The following PPP6R3 variants were observed in gnomAD, a reference collection of about 807,000 sequenced individuals.
The protein encoded by PPP6R3 is serine/threonine-protein phosphatase 6 regulatory subunit 3.
Under a neutral mutation model 110.7 loss-of-function variants are expected in PPP6R3, and 38 were observed. The ratio of observed to expected loss-of-function variants is 0.34; its 90% CI spans 0.26 to 0.45. The LOEUF is 0.45. Ranked by LOEUF, PPP6R3 falls within the 20% of genes least tolerant of loss-of-function variation. PPP6R3 has a pLI of 1.00. For missense variants in PPP6R3, 870 were observed against 1,062.4 expected (o/e 0.82, Z 2.52); for synonymous variants, 369 against 373.5 (o/e 0.99, Z 0.14).
chr11:68,582,965 A>AT, intron 14 of PPP6R3, 78 bp from the exon 15 acceptor site: 2 of 1,077,742 alleles, frequency 1.9e-6, no homozygotes, highest in South Asian at 1.5e-5. Flanking sequence ...ACTAAATGTG[A>AT]TTTTTCCATA....
chr11:68,484,618 G>A (rs1000833972), intron 1 of PPP6R3, among the ~76,000 whole-genome samples: 21 of 151,256 alleles, frequency 1.4e-4, no homozygotes, highest in Non-Finnish European at 2.5e-4. Flanking sequence ...ACGGAGTTTC[G>A]CTCTTGTTGC....
chr11:68,493,633 ATAT>A lies in PPP6R3; in HGVS notation c.-157-25867_-157-25865del, dbSNP rs1439367955. 2.6e-3 allele frequency among the ~76,000 whole-genome samples: 386 copies of A among 146,712 alleles called. 4 individuals carry two copies. The highest frequency in any genetic ancestry group is 8.3e-3 in the African/African-American group (334 of 40,218). ...AACAAAACCATATATATATATATAT[ATAT>A]AAAATATATATACAAAAAAATACAC... On this transcript the variant is annotated intron_variant, in intron 1 of 23. Transcript: ENST00000393800.
At chr11:68,464,446 A>G (rs1428923858) in intron 1 of PPP6R3, among the ~76,000 whole-genome samples, 1 of 152,144 alleles carries the variant, frequency 6.6e-6, no homozygotes, top group African/African-American at 2.4e-5. Context: ...TCTATTTTTT[A>G]GAAGCTTCTC....
chr11:68,476,329 G>A (rs563378208), intron 1 of PPP6R3, among the ~76,000 whole-genome samples: 3 of 152,228 alleles, frequency 2.0e-5, no homozygotes, highest in East Asian at 1.9e-4. Context: ...CAGGCGTGGC[G>A]GCGCACGCCT....
At chr11:68,506,937 G>C (rs1468248850) in intron 1 of PPP6R3, among the ~76,000 whole-genome samples, 3 of 152,184 alleles carry the variant, frequency 2.0e-5, no homozygotes, top group Non-Finnish European at 4.4e-5. Context: ...GTAGTCATTT[G>C]TACCTTTGCT....
intron 2 of PPP6R3, among the ~76,000 whole-genome samples, chr11:68,519,961 G>A (rs532924321): frequency 1.4e-4 from 22 of 152,292 alleles, no homozygotes; most frequent in Non-Finnish European, 1.6e-4. Context: ...AAGACTCGCC[G>A]CCCAGGCCAC....
At chr11:68,477,845 A>G (rs752794568) in intron 1 of PPP6R3, among the ~76,000 whole-genome samples, 13 of 148,342 alleles carry the variant, frequency 8.8e-5, no homozygotes, top group South Asian at 6.4e-4. Flanking sequence ...TGTACCTTCT[A>G]TGATGGGATT....
chr11:68,532,651 A>G (rs746574583), intron 2 of PPP6R3, among the ~76,000 whole-genome samples: 2 of 152,198 alleles, frequency 1.3e-5, no homozygotes, highest in Non-Finnish European at 2.9e-5. Context: ...ACGAATGAAA[A>G]TTCCTGTTAC....
chr11:68,596,907 G>T (rs1225327472), intron 19 of PPP6R3, among the ~76,000 whole-genome samples: 1 of 152,158 alleles, frequency 6.6e-6, no homozygotes, highest in African/African-American at 2.4e-5. Context: ...AGCTAGGGTG[G>T]ACCTTGTGGT....
intron 18 of PPP6R3, among the ~76,000 whole-genome samples, chr11:68,594,398 T>C (rs1294977709): frequency 6.6e-6 from 1 of 151,714 alleles, no homozygotes; most frequent in East Asian, 1.9e-4. Context: ...GGCTCATGCC[T>C]ACAATCCCAG....
intron 1 of PPP6R3, among the ~76,000 whole-genome samples, chr11:68,465,084 G>A (rs1160914045): frequency 3.3e-5 from 5 of 152,190 alleles, no homozygotes; most frequent in African/African-American, 1.2e-4. Flanking sequence ...GTTTCACCAT[G>A]TGGGCCAGGC....
chr11:68,542,122 G>A (rs769358846), intron 3 of PPP6R3, among the ~76,000 whole-genome samples: 9 of 150,164 alleles, frequency 6.0e-5, no homozygotes, highest in African/African-American at 2.0e-4. Context: ...GGAGCAGGCC[G>A]CCGAGTGATG....
intron 10 of PPP6R3, among the ~76,000 whole-genome samples, chr11:68,568,388 G>C (rs2099487811): frequency 6.6e-6 from 1 of 152,142 alleles, no homozygotes; most frequent in African/African-American, 2.4e-5. Context: ...TAAATTTGAT[G>C]AGACTACTGG....
At chr11:68,513,411 G>A (rs1415224687) in intron 1 of PPP6R3, among the ~76,000 whole-genome samples, 2 of 152,098 alleles carry the variant, frequency 1.3e-5, no homozygotes, top group Non-Finnish European at 1.5e-5. Flanking sequence ...AGTGTATGAG[G>A]CTACGTAATG....
In PPP6R3 at chr11:68,565,347, G is replaced by A. The variant is rs568767188; in HGVS notation, c.975+915G>A. Reference sequence around the variant, plus strand: ...TTCCATCACTGTGCTCACAGTTTGCGTTACTCTGCTGGTTCCATTCCAGCC... The same window carrying A: ...TTCCATCACTGTGCTCACAGTTTGCATTACTCTGCTGGTTCCATTCCAGCC... On this transcript the variant is annotated intron_variant, in intron 9 of 23. Transcript: ENST00000393800. Among the ~76,000 whole-genome samples the A allele has an allele frequency of 9.2e-5, 14 of 151,826 alleles. No homozygotes were observed. The South Asian group carries it at 1.0e-3, about 11-fold the overall frequency.
intron 2 of PPP6R3, among the ~76,000 whole-genome samples, chr11:68,535,009 CTTTG>C (rs1408439792): frequency 6.6e-6 from 1 of 152,136 alleles, no homozygotes; most frequent in African/African-American, 2.4e-5. Context: ...AATAAAGTTA[CTTTG>C]TTTGCCATTT....
chr11:68,473,760 T>C (rs976584837), intron 1 of PPP6R3, among the ~76,000 whole-genome samples: 8 of 152,214 alleles, frequency 5.3e-5, no homozygotes, highest in African/African-American at 1.9e-4. Flanking sequence ...CCTGTGTTGA[T>C]TGTTAAGGGA....
In PPP6R3 at chr11:68,613,458, A is replaced by G; in HGVS notation, c.*341A>G. ...AGAATAGTTTTATAAAAGTGAATAC[A>G]CAGATCTATTGTATTTGAAACATAA... On this transcript the variant is annotated 3_prime_UTR_variant, in exon 24 of 24. Coordinates refer to ENST00000393800, the MANE Select transcript of PPP6R3 (RefSeq NM_001164161.2). 5 of 1,020,378 alleles carry G rather than the reference A, an allele frequency of 4.9e-6. No homozygotes were observed. Among genetic ancestry groups the G allele is most frequent in the Non-Finnish European group, 5.9e-6 (5 of 852,888 alleles). 63.2% of individuals were successfully genotyped at this position (1,020,378 alleles called of 1,614,324 possible). A position where few individuals can be genotyped will look rare whatever the true frequency, so the allele number is the denominator to read the frequency against.
At chr11:68,505,982 C>T (rs1215914959) in intron 1 of PPP6R3, among the ~76,000 whole-genome samples, 5 of 151,960 alleles carry the variant, frequency 3.3e-5, no homozygotes, top group Non-Finnish European at 7.4e-5. Context: ...TTTCTTCATT[C>T]ATGTTTTATC....
Sources: allele counts gnomAD v4.1 joint callset (sites outside exome capture counted in the v4.1 genomes callset), GRCh38; gene constraint gnomAD v4.1.1; transcripts MANE v1.5; gene names NCBI Gene and HGNC (gene_info 2026-07-23, HGNC 2026-07-21).